SYMPK: variants seen among roughly 807,000 people sequenced by gnomAD.
SYMPK encodes symplekin scaffold protein.
SYMPK carries 49 observed loss-of-function variants against 136.4 expected under a neutral mutation model. That is an observed-to-expected ratio of 0.36 (90% CI 0.29 to 0.46). The LOEUF is 0.46. Among genes scored for constraint, SYMPK ranks in the 20% least tolerant of loss-of-function variants. The pLI is 1.00. For missense variants in SYMPK, 1,365 were observed against 1,690.0 expected (o/e 0.81, Z 3.37); for synonymous variants, 766 against 713.0 (o/e 1.07, Z -1.19).
At chr19:45,836,641 T>A (rs1407234545) in intron 10 of SYMPK, among the ~76,000 whole-genome samples, 3 of 150,646 alleles carry the variant, frequency 2.0e-5, no homozygotes, top group Admixed American at 1.3e-4. Context: ...AAAAAAAAAA[T>A]GTATTATTTT....
chr19:45,815,410 G>A lies in SYMPK; in HGVS notation c.*150C>T, dbSNP rs1970698484. On this transcript the variant is annotated 3_prime_UTR_variant, in exon 27 of 27. Transcript: ENST00000245934. Reference sequence around the variant, plus strand: ...GACTCGAGACGGCACCCGCGCCCCAGGCCCGCCATCCCTTTTTTTTTTTCT... The same window carrying A: ...GACTCGAGACGGCACCCGCGCCCCAAGCCCGCCATCCCTTTTTTTTTTTCT... 2.0e-6 allele frequency: 2 copies of A among 997,090 alleles called. No individual in the cohort carries two copies. The highest frequency in any genetic ancestry group is 2.1e-5 in the African/African-American group (1 of 48,068). 61.8% of individuals were successfully genotyped at this position (997,090 alleles called of 1,614,324 possible).
At chr19:45,817,030 CT>C in intron 23 of SYMPK, 56 bp from the exon 24 acceptor site, 1 of 1,515,738 alleles carries the variant, frequency 6.6e-7, no homozygotes, top group South Asian at 1.2e-5. Flanking sequence ...CCCCCCGAGC[CT>C]TGACACTGGG....
chr19:45,823,481 A>C lies in SYMPK; in HGVS notation c.2600-9T>G. The stretch of plus-strand genomic sequence containing the variant: ...CTCTGGGGAGGGTGGGACTGCATGG[A>C]AGCAGCAGGAGGCACCAAGTTGGAG... On this transcript the variant is annotated splice_polypyrimidine_tract_variant and intron_variant, in intron 19 of 26. Transcript: ENST00000245934. 1 of 1,613,348 alleles carries C rather than the reference A, an allele frequency of 6.2e-7. No individual in the cohort carries two copies. Among genetic ancestry groups the C allele is most frequent in the Non-Finnish European group, 8.5e-7 (1 of 1,179,750 alleles).
At chr19:45,851,120 G>A (rs1343017281) in intron 5 of SYMPK, among the ~76,000 whole-genome samples, 1 of 152,188 alleles carries the variant, frequency 6.6e-6, no homozygotes, top group Non-Finnish European at 1.5e-5. Context: ...GGGTCTGAGA[G>A]CAGGGGTGTG....
Position 45,823,353 on chromosome 19 carries a change from C to G in SYMPK, c.2700+19G>C. The stretch of plus-strand genomic sequence containing the variant: ...ACATGTCCCAGGTAGCAGGGACAAA[C>G]AGGCCTCCAGCTCCATACCTTCTCC... On this transcript the variant is annotated intron_variant, in intron 20 of 26. Coordinates refer to ENST00000245934, the MANE Select transcript of SYMPK (RefSeq NM_004819.3). 1.2e-6 allele frequency: 2 copies of G among 1,612,322 alleles called. No homozygotes were observed. Among genetic ancestry groups the G allele is most frequent in the Non-Finnish European group, 1.7e-6 (2 of 1,178,670 alleles).
At chr19:45,827,691 C>G in intron 15 of SYMPK, 68 bp from the exon 16 acceptor site, 1 of 1,525,934 alleles carries the variant, frequency 6.6e-7, no homozygotes, top group Non-Finnish European at 9.1e-7. Context: ...GTCTTTCCTG[C>G]CTGCCTCTGA....
At chr19:45,827,194 C>T (rs113433335) in intron 16 of SYMPK, among the ~76,000 whole-genome samples, 1 of 152,204 alleles carries the variant, frequency 6.6e-6, no homozygotes, top group Non-Finnish European at 1.5e-5. Flanking sequence ...CTGGGCTGCA[C>T]GAGGAGCCTG....
chr19:45,827,990 T>TA (rs1261043083), intron 14 of SYMPK, 72 bp from the exon 15 acceptor site: 3 of 1,445,180 alleles, frequency 2.1e-6, no homozygotes, highest in Non-Finnish European at 2.9e-6. Flanking sequence ...TGCTGAATTG[T>TA]AGGAGCTCAG....
At chr19:45,829,890 G>A (rs193201084) in intron 13 of SYMPK, among the ~76,000 whole-genome samples, 164 bp downstream of exon 13, 3 of 152,350 alleles carry the variant, frequency 2.0e-5, no homozygotes, top group Admixed American at 2.0e-4. Flanking sequence ...TACTGTCTCT[G>A]TTTTATGGAG....
At chr19:45,859,957 A>C (rs1354451569) in intron 1 of SYMPK, among the ~76,000 whole-genome samples, 12 of 143,944 alleles carry the variant, frequency 8.3e-5, no homozygotes, top group African/African-American at 1.9e-4. Flanking sequence ...TCCATCTAAA[A>C]AAAAAAAAAA....
chr19:45,863,045 G>A lies in SYMPK; in HGVS notation c.-13+13C>T, dbSNP rs1223012631. The A allele has an allele frequency of 8.6e-6, 3 of 350,592 alleles. No individual in the cohort carries two copies. Among genetic ancestry groups the A allele is most frequent in the Non-Finnish European group, 1.0e-5 (2 of 196,396 alleles). 21.7% of individuals were successfully genotyped at this position (350,592 alleles called of 1,614,324 possible). ...CCTTTCGTCTCCGGGCCCAAACGCC[G>A]CCTCCCGCTCACCGCAGCTCTGGCC... On this transcript the variant is annotated intron_variant, in intron 1 of 26. Coordinates refer to ENST00000245934, the MANE Select transcript of SYMPK (RefSeq NM_004819.3).
intron 1 of SYMPK, among the ~76,000 whole-genome samples, chr19:45,860,264 T>G (rs980227065): frequency 2.0e-5 from 3 of 151,800 alleles, no homozygotes; most frequent in African/African-American, 7.3e-5. Context: ...GAGACCAGTC[T>G]GGCCAACATG....
rs778283998 is a variant in SYMPK at position 45,848,004 on chromosome 19, G to A, written c.427-3C>T. ...ATGACCCGTGACTTTACCATCCACT[G>A]CCAGCAGGCCAGGAAGGAATGGAAG... On this transcript the variant is annotated splice_polypyrimidine_tract_variant and splice_region_variant and intron_variant, in intron 6 of 26. Coordinates refer to ENST00000245934, the MANE Select transcript of SYMPK (RefSeq NM_004819.3). 1.9e-6 allele frequency: 3 copies of A among 1,573,244 alleles called. No individual in the cohort carries two copies. In the South Asian group the frequency reaches 3.5e-5, roughly 18 times the overall value.
In SYMPK at chr19:45,842,372, G is replaced by A. The variant is rs745872378; in HGVS notation, c.965C>T (p.Thr322Ile). ...TGTGCCCAGGTCCACCAGCAGGGTG[G>A]TGATCTGGGCCTGGAACTCCAAGGA... Reference protein sequence around the residue: ...PASLEFQAQITTLLVDLGTPQ... With the variant: ...PASLEFQAQIITLLVDLGTPQ... Residue 322 changes from threonine to isoleucine, a missense_variant, in exon 9 of 27, where the codon ACC (threonine) becomes ATC (isoleucine). Around this residue, in one of 11 missense-constraint regions of SYMPK, gnomAD observed 111 missense variants for 141.2 expected, o/e 0.79. Coordinates refer to ENST00000245934, the MANE Select transcript of SYMPK (RefSeq NM_004819.3). The A allele has an allele frequency of 4.3e-6, 7 of 1,614,094 alleles. No individual in the cohort carries two copies. In the Admixed American group the frequency reaches 1.2e-4, roughly 27 times the overall value.
intron 1 of SYMPK, among the ~76,000 whole-genome samples, chr19:45,856,262 C>G (rs1456260088): frequency 6.6e-6 from 1 of 151,954 alleles, no homozygotes; most frequent in Non-Finnish European, 1.5e-5. Flanking sequence ...ATCGCTTGAA[C>G]CCAGGAGGCG....
intron 23 of SYMPK, 70 bp downstream of exon 23, chr19:45,817,889 G>A (rs946257467): frequency 6.9e-7 from 1 of 1,450,612 alleles, no homozygotes. Flanking sequence ...TCAGACGGGG[G>A]AAGGGGAGGG....
In SYMPK at chr19:45,842,404, G is replaced by A. The variant is rs570655153; in HGVS notation, c.933C>T (p.His311=). ...GGGCCTGGAACTCCAAGGAAGCCGG[G>A]TGCTTCAGCACACTCAACAGGTGCA... ...LKLHLLSVLK[H]PASLEFQAQI... The change falls in exon 9 of 27, where the codon CAC becomes CAT. Residue 311 remains histidine (H), a synonymous_variant. Coordinates refer to ENST00000245934, the MANE Select transcript of SYMPK (RefSeq NM_004819.3). The A allele has an allele frequency of 2.8e-5, 45 of 1,614,230 alleles. No homozygotes were observed. In the South Asian group the frequency reaches 4.9e-4, roughly 18 times the overall value.
intron 9 of SYMPK, among the ~76,000 whole-genome samples, chr19:45,839,323 GAA>G (rs571966247): frequency 3.3e-5 from 5 of 152,206 alleles, no homozygotes; most frequent in African/African-American, 4.8e-5. Flanking sequence ...TCCTTAAAAA[GAA>G]AGACTGATTC....
rs1321963221 is a variant in SYMPK, at chr19:45,816,510, T to C, written c.3326A>G (p.Lys1109Arg). Residue 1109 changes from lysine (K) to arginine (R), a missense_variant, in exon 25 of 27, where the codon AAG becomes AGG. Coordinates refer to ENST00000245934, the MANE Select transcript of SYMPK (RefSeq NM_004819.3). ...CTCCAAGGGCCCCGCAGGCGCCTCCTTGGCCTCTGGCTCCTGCTTGCCGCT... is the reference window on the plus strand; with the variant it reads ...CTCCAAGGGCCCCGCAGGCGCCTCCCTGGCCTCTGGCTCCTGCTTGCCGCT... The part of the protein sequence containing the change: ...EASGKQEPEA[K>R]EAPAGPLEED... The C allele has an allele frequency of 1.2e-6, 2 of 1,613,462 alleles. No individual in the cohort carries two copies. The highest frequency in any genetic ancestry group is 1.1e-5 in the South Asian group (1 of 91,068).
Sources: gnomAD v4.1 joint callset for allele counts (sites outside exome capture counted in the v4.1 genomes callset) on GRCh38, gnomAD v4.1.1 for gene constraint, gnomAD v4.1.1 regional missense constraint, MANE v1.5 for transcripts, NCBI Gene and HGNC (gene_info 2026-07-23, HGNC 2026-07-21) for gene names.